VAV3: variants seen among roughly 807,000 people sequenced by gnomAD.
VAV3 encodes the protein guanine nucleotide exchange factor VAV3.
In VAV3, 94 loss-of-function variants were observed where a neutral mutation model predicts 131.2. That is an observed-to-expected ratio of 0.72 (90% CI 0.61 to 0.85). The LOEUF (loss-of-function observed/expected upper bound fraction) is 0.85, where lower values mean the gene tolerates loss of function less well. Among genes scored for constraint, VAV3 ranks in the 40% least tolerant of loss-of-function variants. VAV3 has a pLI of 0.00. For synonymous variants in VAV3, 349 were observed against 342.0 expected (o/e 1.02, Z -0.22); for missense variants, 939 against 1,002.7 (o/e 0.94, Z 0.86).
At chr1:107,891,279 T>G (rs1671299413) in intron 1 of VAV3, among the ~76,000 whole-genome samples, 1 of 152,208 alleles carries the variant, frequency 6.6e-6, no homozygotes, top group African/African-American at 2.4e-5. Context: ...CTCCAGGTAG[T>G]GATAGTCATT....
At chr1:107,708,345 T>C (rs890152484) in intron 15 of VAV3, among the ~76,000 whole-genome samples, 17 of 152,234 alleles carry the variant, frequency 1.1e-4, no homozygotes, top group African/African-American at 3.6e-4. Context: ...GTCATGCTGA[T>C]ACACATAAAG....
At chr1:107,751,259 A>C (rs980851415) in intron 12 of VAV3, 57 bp from the exon 13 acceptor site, 11 of 1,357,554 alleles carry the variant, frequency 8.1e-6, no homozygotes, top group Admixed American at 1.9e-5. Context: ...AATAAAAACA[A>C]ATATTAGTAG....
chr1:107,654,616 T>TC (rs774364824), intron 19 of VAV3, among the ~76,000 whole-genome samples: 2 of 152,078 alleles, frequency 1.3e-5, no homozygotes, highest in African/African-American at 4.8e-5. Context: ...CCTTCCTTTT[T>TC]CCCTCACTTT....
chr1:107,903,539 T>G (rs1671966400), intron 1 of VAV3, among the ~76,000 whole-genome samples: 2 of 152,120 alleles, frequency 1.3e-5, no homozygotes, highest in South Asian at 4.1e-4. Flanking sequence ...CTCTCTAACT[T>G]CAGGTAGAAA....
chr1:107,740,526 G>GT (rs913522966), intron 15 of VAV3, among the ~76,000 whole-genome samples: 4 of 151,688 alleles, frequency 2.6e-5, no homozygotes, highest in Admixed American at 6.6e-5. Context: ...CAGGTTTATA[G>GT]TTTTTTTTGG....
chr1:107,576,261 T>C, intron 25 of VAV3: 1 of 674,324 alleles, frequency 1.5e-6, no homozygotes, highest in Non-Finnish European at 2.3e-6. Context: ...GTAAAGTGCA[T>C]GGTGGTAATG....
chr1:107,609,314 T>G (rs1536663), intron 22 of VAV3: 56,035 of 151,870 alleles, frequency 0.37, 10,715 homozygotes, highest in Middle Eastern at 0.44. Context: ...TAATGATACT[T>G]TCAGCCTCCA....
At chr1:107,806,575 A>G (rs147753972) in intron 2 of VAV3, among the ~76,000 whole-genome samples, 34 of 152,274 alleles carry the variant, frequency 2.2e-4, no homozygotes, top group Non-Finnish European at 4.3e-4. Flanking sequence ...AATATTTGGT[A>G]CAATTTTTCT....
intron 12 of VAV3, among the ~76,000 whole-genome samples, chr1:107,755,153 A>G (rs185925710): frequency 1.1e-4 from 17 of 151,382 alleles, no homozygotes; most frequent in African/African-American, 4.1e-4. Flanking sequence ...GAAAGAAAAG[A>G]AAAAAAAAGT....
Position 107,822,657 on chromosome 1 carries a change from AAAATAAATAAAT to A in VAV3, c.322-43177_322-43166del, listed in dbSNP as rs139004980. Among the ~76,000 whole-genome samples the A allele has an allele frequency of 3.9e-3, 551 of 141,718 alleles. 11 individuals are homozygous for A. Among genetic ancestry groups the A allele is most frequent in the Non-Finnish European group, 3.5e-3 (234 of 66,012 alleles). 93.0% of individuals were successfully genotyped at this position (141,718 alleles called of 152,430 possible). A position where few individuals can be genotyped will look rare whatever the true frequency, so the allele number is the denominator to read the frequency against. ...GAGACAGCGAGACTCCATCTCAAAA[AAAATAAATAAAT>A]AAATAAATAAATAAATAAATAATAA... On this transcript the variant is annotated intron_variant, in intron 2 of 26. Coordinates refer to ENST00000370056, the MANE Select transcript of VAV3 (RefSeq NM_006113.5).
intron 1 of VAV3, among the ~76,000 whole-genome samples, chr1:107,875,702 C>T (rs1454999924): frequency 6.6e-6 from 1 of 152,128 alleles, no homozygotes; most frequent in African/African-American, 2.4e-5. Flanking sequence ...AAAAGGAGGA[C>T]ATAATCTGAT....
At chr1:107,736,957 C>T (rs147599513) in intron 15 of VAV3, among the ~76,000 whole-genome samples, 4,432 of 152,232 alleles carry the variant, frequency 0.029, 205 homozygotes, top group African/African-American at 0.095. Flanking sequence ...TCAAGCTATC[C>T]TACAAGGCTA....
chr1:107,749,111 A>G, intron 14 of VAV3, 34 bp from the exon 15 acceptor site: 1 of 1,372,026 alleles, frequency 7.3e-7, no homozygotes, highest in Non-Finnish European at 1.0e-6. Flanking sequence ...ATTAATATGT[A>G]TCATTAATAA....
intron 19 of VAV3, among the ~76,000 whole-genome samples, chr1:107,683,043 A>G (rs921973042): frequency 1.9e-4 from 29 of 152,334 alleles, no homozygotes; most frequent in African/African-American, 6.3e-4. Context: ...ACATGCTGCT[A>G]TTATAAAATA....
intron 15 of VAV3, among the ~76,000 whole-genome samples, chr1:107,735,748 A>G (rs1662578190): frequency 6.6e-6 from 1 of 152,212 alleles, no homozygotes. Flanking sequence ...CCAAGACCAG[A>G]CGGATTCACA....
At chr1:107,812,169 T>G (rs928178580) in intron 2 of VAV3, among the ~76,000 whole-genome samples, 3 of 152,216 alleles carry the variant, frequency 2.0e-5, no homozygotes, top group African/African-American at 7.2e-5. Context: ...TACAGGAAAC[T>G]TCCTGAAACT....
rs577066692 is a variant in VAV3, at chr1:107,845,881, A to G, written c.321+29020T>C. Among the ~76,000 whole-genome samples the G allele has an allele frequency of 2.0e-5, 3 of 152,338 alleles. 1 individual carries two copies. The highest frequency in any genetic ancestry group is 4.4e-5 in the Non-Finnish European group (3 of 68,030). ...ACCAAGTTCAAAACCACACTTCAGG[A>G]TATTATCCAGGAGAACTTCCCCAAA... On this transcript the variant is annotated intron_variant, in intron 2 of 26. Transcript: ENST00000370056.
At chr1:107,780,390 T>G (rs1446890010) in intron 2 of VAV3, among the ~76,000 whole-genome samples, 1 of 152,226 alleles carries the variant, frequency 6.6e-6, no homozygotes, top group African/African-American at 2.4e-5. Context: ...TACTTAAATC[T>G]AAATGTTAAA....
chr1:107,763,460 T>C (rs1215006303), intron 9 of VAV3, among the ~76,000 whole-genome samples: 6 of 152,244 alleles, frequency 3.9e-5, no homozygotes, highest in Non-Finnish European at 8.8e-5. Flanking sequence ...CACAATTTTA[T>C]ATCTTTATTT....
Sources: gnomAD v4.1 joint callset for allele counts (sites outside exome capture counted in the v4.1 genomes callset) on GRCh38, gnomAD v4.1.1 for gene constraint, MANE v1.5 for transcripts, NCBI Gene and HGNC (gene_info 2026-07-23, HGNC 2026-07-21) for gene names.